Variants in KAZN observed in about 807,000 individuals in gnomAD.
KAZN encodes the protein kazrin.
In KAZN, 40 loss-of-function variants were observed where a neutral mutation model predicts 87.4. The observed-to-expected ratio is 0.46, with a 90% confidence interval of 0.36 to 0.60. The LOEUF is 0.60. Ranked by LOEUF, KAZN falls within the 20% of genes least tolerant of loss-of-function variation. The probability of loss-of-function intolerance (pLI) is 0.00; values close to 1 mark genes in which losing one functional copy is unlikely to be tolerated. For missense variants in KAZN, 898 were observed against 1,073.9 expected (o/e 0.84, Z 2.29); for synonymous variants, 466 against 458.3 (o/e 1.02, Z -0.22).
chr1:14,478,812 G>C (rs769694003), intron 2 of KAZN, among the ~76,000 whole-genome samples: 1 of 152,224 alleles, frequency 6.6e-6, no homozygotes, highest in Non-Finnish European at 1.5e-5. Flanking sequence ...GCTGTGGTCA[G>C]AGTGTGTCCT....
rs1657851927 is a variant in KAZN at position 14,916,709 on chromosome 1, T to TAAG, written c.227-43975_227-43974insAAG. ...AGGAGGACCACTTAACGCCAGGAGT[T>TAAG]TGCGGCAGCTTGGGCAACACAGTGA... On this transcript the variant is annotated intron_variant, in intron 1 of 14. Transcript: ENST00000376030. 2.6e-5 allele frequency among the ~76,000 whole-genome samples: 4 copies of TAAG among 152,060 alleles called. No individual in the cohort carries two copies. In the South Asian group the frequency reaches 8.4e-4, roughly 32 times the overall value.
intron 1 of KAZN, among the ~76,000 whole-genome samples, chr1:14,097,209 A>T (rs1644148558): frequency 6.6e-6 from 1 of 152,152 alleles, no homozygotes; most frequent in Non-Finnish European, 1.5e-5. Context: ...AAGAAGGGAA[A>T]CTAGTTGGGA....
chr1:14,159,993 C>A (rs1645675713), intron 1 of KAZN, among the ~76,000 whole-genome samples: 9 of 152,186 alleles, frequency 5.9e-5, no homozygotes, highest in Admixed American at 5.9e-4. Flanking sequence ...TCTTCCCTTT[C>A]CTCTCCTCAA....
chr1:14,476,329 C>CTTTA (rs1668721641), intron 2 of KAZN, among the ~76,000 whole-genome samples: 2 of 152,200 alleles, frequency 1.3e-5, no homozygotes, highest in African/African-American at 2.4e-5. Flanking sequence ...CAATTTCTTG[C>CTTTA]CCAATTTTCA....
chr1:14,480,237 A>C (rs1668995134), intron 2 of KAZN, among the ~76,000 whole-genome samples: 1 of 152,232 alleles, frequency 6.6e-6, no homozygotes, highest in South Asian at 2.1e-4. Context: ...GTACTCTTGT[A>C]ATCTGCAAAG....
chr1:14,475,392 T>C (rs1483580043), intron 2 of KAZN, among the ~76,000 whole-genome samples: 6 of 152,170 alleles, frequency 3.9e-5, no homozygotes, highest in African/African-American at 1.4e-4. Flanking sequence ...GAATAAAAGG[T>C]ATAATACCTA....
chr1:14,916,257 C>T (rs1231316904), intron 1 of KAZN, among the ~76,000 whole-genome samples: 1 of 150,378 alleles, frequency 6.6e-6, no homozygotes. Context: ...GCAGCCTCCA[C>T]CTCCCGGGTT....
intron 2 of KAZN, among the ~76,000 whole-genome samples, chr1:14,415,956 A>T (rs1156672221): frequency 6.6e-6 from 1 of 152,014 alleles, no homozygotes; most frequent in Non-Finnish European, 1.5e-5. Context: ...AAAAAGACAA[A>T]CTCCAGGGGC....
chr1:14,182,998 T>C (rs1287488640), intron 2 of KAZN, among the ~76,000 whole-genome samples: 1 of 152,138 alleles, frequency 6.6e-6, no homozygotes, highest in African/African-American at 2.4e-5. Context: ...CTCAGTTCCA[T>C]ACCCACAGGG....
intron 2 of KAZN, among the ~76,000 whole-genome samples, chr1:14,415,480 CAACA>C (rs1249133417): frequency 2.0e-5 from 3 of 152,080 alleles, no homozygotes; most frequent in African/African-American, 7.2e-5. Context: ...AGCTGATTTC[CAACA>C]AACAGTGTCT....
chr1:14,235,347 AAAG>A (rs1295953477), intron 2 of KAZN, among the ~76,000 whole-genome samples: 1 of 152,256 alleles, frequency 6.6e-6, no homozygotes, highest in Non-Finnish European at 1.5e-5. Context: ...ACACAAAGTA[AAAG>A]AAGCAAGTCA....
intron 1 of KAZN, among the ~76,000 whole-genome samples, chr1:14,675,244 T>G (rs74058781): frequency 0.023 from 3,483 of 152,250 alleles, 136 homozygotes; most frequent in African/African-American, 0.076. Context: ...TGGGGTTGTC[T>G]GACGTTGAAC....
At chr1:13,954,750 A>AC (rs1557743477) in intron 1 of KAZN, among the ~76,000 whole-genome samples, 7 of 152,242 alleles carry the variant, frequency 4.6e-5, no homozygotes, top group Admixed American at 6.5e-5. Flanking sequence ...AATTGCCCAT[A>AC]ATTTATCCCT....
chr1:14,625,009 A>T (rs945604298), intron 1 of KAZN, among the ~76,000 whole-genome samples: 1 of 152,122 alleles, frequency 6.6e-6, no homozygotes, highest in Non-Finnish European at 1.5e-5. Context: ...TATCCCAGAT[A>T]AATTGCTGGT....
intron 2 of KAZN, among the ~76,000 whole-genome samples, chr1:14,493,793 A>G (rs940235152): frequency 1.3e-5 from 2 of 152,186 alleles, no homozygotes; most frequent in African/African-American, 2.4e-5. Context: ...TACTCAGGCC[A>G]TTGATCAGGA....
At chr1:13,951,915 C>G (rs144997941) in intron 1 of KAZN, among the ~76,000 whole-genome samples, 3 of 152,266 alleles carry the variant, frequency 2.0e-5, no homozygotes, top group African/African-American at 7.2e-5. Context: ...GGTTATCTGG[C>G]CTGCCCTAGC....
At chr1:15,042,151 T>G (rs1371393977) in intron 3 of KAZN, among the ~76,000 whole-genome samples, 1 of 152,164 alleles carries the variant, frequency 6.6e-6, no homozygotes, top group Non-Finnish European at 1.5e-5. Context: ...AACCAGTGAC[T>G]GCGATGAGAC....
At chr1:14,519,945 A>G (rs1393777403) in intron 2 of KAZN, among the ~76,000 whole-genome samples, 1 of 152,152 alleles carries the variant, frequency 6.6e-6, no homozygotes, top group African/African-American at 2.4e-5. Context: ...ATGGTGTGGG[A>G]GCTGTGGATG....
At position 15,017,341 on chromosome 1, in the gene KAZN, C is replaced by T. The variant is rs116582792; in HGVS notation, c.419-17408C>T. On this transcript the variant is annotated intron_variant, in intron 2 of 14. Transcript: ENST00000376030. ...TGTCTTATTTACCCAGACTCCTCAG[C>T]TGCAGCTCAGTGCCTGAGCAAGTTT... Among the ~76,000 whole-genome samples, 768 of 152,288 alleles carry T rather than the reference C, an allele frequency of 5.0e-3. 4 individuals are homozygous for T. The highest frequency in any genetic ancestry group is 0.018 in the African/African-American group (739 of 41,554).
Sources: gnomAD v4.1 joint callset for allele counts (sites outside exome capture counted in the v4.1 genomes callset) on GRCh38, gnomAD v4.1.1 for gene constraint, MANE v1.5 for transcripts, NCBI Gene and HGNC (gene_info 2026-07-23, HGNC 2026-07-21) for gene names.